LRP5: variants seen among roughly 807,000 people sequenced by gnomAD.
LRP5 encodes LDL receptor related protein 5.
LRP5 carries 62 observed loss-of-function variants against 154.1 expected under a neutral mutation model. The observed-to-expected ratio is 0.40, with a 90% CI of 0.33 to 0.50. LRP5 has a LOEUF of 0.50. LRP5 is among the 20% of genes least tolerant of loss of function. The pLI is 0.55. For missense variants in LRP5, 1,915 were observed against 2,336.7 expected, an observed-to-expected ratio of 0.82 and a Z score of 3.72; for synonymous variants, 966 against 1,011.5, an observed-to-expected ratio of 0.96 and a Z score of 0.85.
Position 68,386,593 on chromosome 11 carries a change from C to T in LRP5, c.1293C>T (p.Tyr431=), listed in dbSNP as rs765756341. 1 of 1,613,804 alleles carries T rather than the reference C, an allele frequency of 6.2e-7. No individual in the cohort carries two copies. The highest frequency in any genetic ancestry group is 1.1e-5 in the South Asian group (1 of 91,062). ...TCGACTGGGTGGCCCGAAACCTCTA[C>T]TGGACCGACACGGGCACGGACCGCA... ...IAVDWVARNL[Y]WTDTGTDRIE... is the part of the protein sequence containing the mutation. Residue 431 remains tyrosine, a synonymous_variant, in exon 6 of 23, where the codon TAC becomes TAT. Coordinates refer to ENST00000294304, the MANE Select transcript of LRP5 (RefSeq NM_002335.4). This position sits in a 1 kb window ranked among gnomAD's most constrained non-coding sequence, Gnocchi z 7.9.
chr11:68,371,744 C>T (rs114614509), intron 5 of LRP5, among the ~76,000 whole-genome samples: 9 of 152,382 alleles, frequency 5.9e-5, no homozygotes, highest in African/African-American at 2.2e-4. Context: ...GAAATTCTGT[C>T]GCTTGTTGCA....
intron 7 of LRP5, among the ~76,000 whole-genome samples, chr11:68,401,003 C>T (rs578022434): frequency 1.2e-4 from 18 of 152,282 alleles, no homozygotes; most frequent in African/African-American, 4.1e-4. Context: ...GTGTTCTGTG[C>T]CGATGTCCCT....
intron 2 of LRP5, among the ~76,000 whole-genome samples, chr11:68,356,646 C>T (rs997993481): frequency 4.6e-5 from 7 of 152,162 alleles, no homozygotes; most frequent in Admixed American, 1.3e-4. Context: ...CACGTTTACA[C>T]GAGGGTTCGC....
Position 68,423,210 on chromosome 11 carries a change from T to A in LRP5, c.3028-279T>A, listed in dbSNP as rs2098666799. ...CGGCAAGAGCTCTTCCAGAGGCTGTTGTCCTAATCGCTCTGGCATACTCAG... is the reference window on the plus strand; with the variant it reads ...CGGCAAGAGCTCTTCCAGAGGCTGTAGTCCTAATCGCTCTGGCATACTCAG... On this transcript the variant is annotated intron_variant, in intron 13 of 22. Transcript: ENST00000294304. The surrounding 1 kb of genome is among the most constrained non-coding windows in gnomAD (Gnocchi z 4.7). 6.6e-6 allele frequency among the ~76,000 whole-genome samples: 1 copy of A among 152,180 alleles called. No individual in the cohort carries two copies. The highest frequency in any genetic ancestry group is 2.1e-4 in the South Asian group (1 of 4,830).
chr11:68,429,925 T>C (rs1343516891), intron 17 of LRP5, among the ~76,000 whole-genome samples: 1 of 152,240 alleles, frequency 6.6e-6, no homozygotes, highest in Non-Finnish European at 1.5e-5. Context: ...TTTTGTTACA[T>C]TTTCATTTTC....
intron 2 of LRP5, among the ~76,000 whole-genome samples, chr11:68,356,125 T>A (rs2098623004): frequency 6.7e-6 from 1 of 150,104 alleles, no homozygotes; most frequent in African/African-American, 2.5e-5. Context: ...ATTACAGGCA[T>A]GAGCCACCGC....
At position 68,390,060 on chromosome 11, in the gene LRP5, T is replaced by C. The variant is rs1288008322; in HGVS notation, c.1584+8T>C. On this transcript the variant is annotated splice_region_variant and intron_variant, in intron 7 of 22. Transcript: ENST00000294304. ...AAGACAGACAAGATCGAGGTGAGGC[T>C]CCTGTGGACATGTTTGATCCAGGAG... The C allele has an allele frequency of 6.2e-7, 1 of 1,614,144 alleles. No individual in the cohort carries two copies. The highest frequency in any genetic ancestry group is 8.5e-7 in the Non-Finnish European group (1 of 1,180,000).
intron 1 of LRP5, among the ~76,000 whole-genome samples, chr11:68,325,020 C>T (rs1351517302): frequency 5.9e-5 from 9 of 152,198 alleles, no homozygotes; most frequent in Non-Finnish European, 1.2e-4. Flanking sequence ...CTCCTGTGCC[C>T]TGCACAGCCC....
At chr11:68,409,804 C>A in intron 9 of LRP5, 110 bp from the exon 10 acceptor site, 1 of 842,854 alleles carries the variant, frequency 1.2e-6, no homozygotes, top group Non-Finnish European at 2.0e-6. Context: ...GAGCCGAGAT[C>A]GCACCATTGC....
chr11:68,308,957 T>G (rs1178244451), upstream of LRP5, among the ~76,000 whole-genome samples: 1 of 119,974 alleles, frequency 8.3e-6, no homozygotes, highest in Non-Finnish European at 1.6e-5. Flanking sequence ...TGAGACGGAG[T>G]CTAACTCTGT....
In LRP5 at chr11:68,423,320, T is replaced by A. The variant is rs2098666865; in HGVS notation, c.3028-169T>A. Among the ~76,000 whole-genome samples the A allele has an allele frequency of 6.6e-6, 1 of 152,106 alleles. No individual in the cohort carries two copies. The highest frequency in any genetic ancestry group is 1.5e-5 in the Non-Finnish European group (1 of 68,002). ...TGACTTTCAGGCTAAACTTGAGAAGTGTGGCCTCTGCTGTCCTGCCAGAGC... is the reference window on the plus strand; with the variant it reads ...TGACTTTCAGGCTAAACTTGAGAAGAGTGGCCTCTGCTGTCCTGCCAGAGC... On this transcript the variant is annotated intron_variant, in intron 13 of 22. Coordinates refer to ENST00000294304, the MANE Select transcript of LRP5 (RefSeq NM_002335.4). The surrounding 1 kb of genome is among the most constrained non-coding windows in gnomAD (Gnocchi z 4.7).
chr11:68,378,071 G>T (rs2098638346), intron 5 of LRP5, among the ~76,000 whole-genome samples: 1 of 152,228 alleles, frequency 6.6e-6, no homozygotes, highest in Non-Finnish European at 1.5e-5. Context: ...TCTGTCTGCA[G>T]GGATGGCCGG....
intron 2 of LRP5, among the ~76,000 whole-genome samples, chr11:68,356,710 A>G (rs1208883620): frequency 6.6e-6 from 1 of 152,138 alleles, no homozygotes; most frequent in Admixed American, 6.5e-5. Context: ...TGCACCCACC[A>G]TTCCATGTCA....
Position 68,378,573 on chromosome 11 carries a change from C to T in LRP5, c.1016-7743C>T, listed in dbSNP as rs1022852200. Reference sequence around the variant, plus strand: ...GCCTCTAAGGATAAACCCATTCACCCGTGTTTCAGAGGCTTTTTTTTCCTC... The same window carrying T: ...GCCTCTAAGGATAAACCCATTCACCTGTGTTTCAGAGGCTTTTTTTTCCTC... On this transcript the variant is annotated intron_variant, in intron 5 of 22. Coordinates refer to ENST00000294304, the MANE Select transcript of LRP5 (RefSeq NM_002335.4). 4.6e-5 allele frequency among the ~76,000 whole-genome samples: 7 copies of T among 152,218 alleles called. No individual in the cohort carries two copies. The South Asian group carries it at 1.5e-3, about 32-fold the overall frequency.
At chr11:68,309,273 C>T (rs922644673), upstream of LRP5, among the ~76,000 whole-genome samples, 54 of 150,284 alleles carry the variant, frequency 3.6e-4, no homozygotes, top group Non-Finnish European at 1.0e-4. Context: ...TGCTCTGTCG[C>T]CCAAGCTGGA....
chr11:68,362,212 A>T (rs2098628484), intron 3 of LRP5, among the ~76,000 whole-genome samples: 1 of 152,096 alleles, frequency 6.6e-6, no homozygotes, highest in Non-Finnish European at 1.5e-5. Context: ...TGAGATGTTG[A>T]GAATGTGTGT....
At chr11:68,429,721 C>T (rs772098503) in intron 17 of LRP5, 21 bp downstream of exon 17, 1 of 1,613,892 alleles carries the variant, frequency 6.2e-7, no homozygotes, top group Non-Finnish European at 8.5e-7. Flanking sequence ...CCTAGGTGCT[C>T]CTTTGGGGTG....
At chr11:68,357,968 C>A in intron 3 of LRP5, 121 bp downstream of exon 3, 1 of 916,598 alleles carries the variant, frequency 1.1e-6, no homozygotes, top group Non-Finnish European at 1.7e-6. Context: ...CTGAGGAATG[C>A]AGGACTTCTC....
rs770136120 is a variant in LRP5 at position 68,363,940 on chromosome 11, T to A, written c.880T>A (p.Phe294Ile). Reference sequence around the variant, plus strand: ...GGTGCTGAGCCAGGAGCGGCAGCCTTTCTGTGAGTGCCGGCTGGGGCGCGG... The same window carrying A: ...GGTGCTGAGCCAGGAGCGGCAGCCTATCTGTGAGTGCCGGCTGGGGCGCGG... ...IQVLSQERQP[F>I]FHTRCEEDNG... The change falls in exon 4 of 23, where the codon TTC becomes ATC. Residue 294 changes from phenylalanine to isoleucine, a missense_variant. Coordinates refer to ENST00000294304, the MANE Select transcript of LRP5 (RefSeq NM_002335.4). 1 of 1,605,950 alleles carries A rather than the reference T, an allele frequency of 6.2e-7. No homozygotes were observed. Among genetic ancestry groups the A allele is most frequent in the Non-Finnish European group, 8.5e-7 (1 of 1,176,410 alleles).
Sources: gnomAD v4.1 joint callset for allele counts (sites outside exome capture counted in the v4.1 genomes callset) on GRCh38, gnomAD v4.1.1 for gene constraint, Gnocchi (gnomAD v3.1) non-coding constraint, MANE v1.5 for transcripts, NCBI Gene and HGNC (gene_info 2026-07-23, HGNC 2026-07-21) for gene names.